The following RIMS2 variants were observed in gnomAD, a reference collection of about 807,000 sequenced individuals.
RIMS2 encodes the protein regulating synaptic membrane exocytosis 2.
A neutral mutation model predicts 174.4 loss-of-function variants in RIMS2; 59 were observed. The observed-to-expected ratio is 0.34, with a 90% CI of 0.27 to 0.42. The LOEUF is 0.42. RIMS2 is among the 10% of genes least tolerant of loss of function. RIMS2 has a pLI of 1.00. For missense variants in RIMS2, 1,620 were observed against 1,666.3 expected (o/e 0.97, Z 0.48); for synonymous variants, 606 against 572.5 (o/e 1.06, Z -0.84).
chr8:103,979,993 A>ATTTTGTGCCCTTATC (rs2093757676), intron 16 of RIMS2, among the ~76,000 whole-genome samples: 2 of 152,156 alleles, frequency 1.3e-5, no homozygotes, highest in Admixed American at 1.3e-4. Context: ...AGTCCTAGGT[A>ATTTTGTGCCCTTATC]AACTGGAAAG....
intron 1 of RIMS2, among the ~76,000 whole-genome samples, chr8:103,671,325 A>T (rs1318794822): frequency 6.6e-6 from 1 of 152,186 alleles, no homozygotes. Flanking sequence ...TTTGACTTGC[A>T]TCATGGAGTT....
At chr8:103,633,763 G>A (rs2096005123) in intron 1 of RIMS2, among the ~76,000 whole-genome samples, 1 of 152,062 alleles carries the variant, frequency 6.6e-6, no homozygotes, top group Non-Finnish European at 1.5e-5. Context: ...GTCTTGGAAG[G>A]GTGTATGTGT....
chr8:103,786,744 T>TGGG (rs2098447313), intron 3 of RIMS2, among the ~76,000 whole-genome samples: 1 of 152,244 alleles, frequency 6.6e-6, no homozygotes, highest in Non-Finnish European at 1.5e-5. Flanking sequence ...AAATGTATAT[T>TGGG]CTGTTGATTT....
At chr8:103,585,621 T>C (rs1045813943) in intron 1 of RIMS2, among the ~76,000 whole-genome samples, 5 of 151,806 alleles carry the variant, frequency 3.3e-5, no homozygotes, top group Admixed American at 1.3e-4. Flanking sequence ...TCTCAGCAAA[T>C]TAACACAAGA....
chr8:103,715,773 A>G (rs759946569), intron 2 of RIMS2, among the ~76,000 whole-genome samples: 2 of 152,194 alleles, frequency 1.3e-5, no homozygotes, highest in South Asian at 2.1e-4. Context: ...TTTTAGTTAT[A>G]TTAAGTATAA....
exon 4 of RIMS2, chr8:103,885,969 A>T (rs1304422669): frequency 1.2e-6 from 2 of 1,613,062 alleles, no homozygotes; most frequent in South Asian, 1.1e-5. Context: ...CTACGGAAAC[A>T]GCACCACTTA....
At position 103,817,519 on chromosome 8, in the gene RIMS2, G is replaced by A. The variant is rs532718306; in HGVS notation, c.698+50982G>A. On this transcript the variant is annotated intron_variant, in intron 3 of 23. Coordinates refer to ENST00000504942, the Ensembl canonical transcript of RIMS2. ...CTTCAGGCCAGGCGCAGTGGCTCAC[G>A]CCTGTAATCCCAGCACTTTGGGAGG... 3.3e-5 allele frequency among the ~76,000 whole-genome samples: 5 copies of A among 152,194 alleles called. No individual in the cohort carries two copies. In the East Asian group the frequency reaches 9.6e-4, roughly 29 times the overall value.
chr8:103,954,076 C>T (rs1234176477), intron 14 of RIMS2, among the ~76,000 whole-genome samples: 1 of 152,148 alleles, frequency 6.6e-6, no homozygotes, highest in African/African-American at 2.4e-5. Context: ...TATATGCATC[C>T]AATACCAGAG....
At chr8:104,076,541 A>C (rs1461485387) in intron 19 of RIMS2, among the ~76,000 whole-genome samples, 1 of 152,202 alleles carries the variant, frequency 6.6e-6, no homozygotes, top group Non-Finnish European at 1.5e-5. Flanking sequence ...GCAGACACAG[A>C]TTTATAGCAG....
intron 3 of RIMS2, among the ~76,000 whole-genome samples, chr8:103,776,981 G>C (rs1166321497): frequency 6.6e-6 from 1 of 152,018 alleles, no homozygotes; most frequent in Non-Finnish European, 1.5e-5. Flanking sequence ...AGTAAGTGTT[G>C]ACATTTTAAA....
chr8:103,902,608 C>T (rs72681365), intron 4 of RIMS2, among the ~76,000 whole-genome samples: 20,209 of 151,972 alleles, frequency 0.13, 1,832 homozygotes, highest in Non-Finnish European at 0.2. Context: ...AGAACATTTT[C>T]TTTGGAATGG....
intron 19 of RIMS2, among the ~76,000 whole-genome samples, chr8:104,047,332 C>T (rs2096712412): frequency 6.6e-6 from 1 of 152,072 alleles, no homozygotes; most frequent in Non-Finnish European, 1.5e-5. Context: ...CTATCACCCA[C>T]CTTAACTCTG....
At chr8:104,179,889 A>G (rs1299792979) in intron 19 of RIMS2, among the ~76,000 whole-genome samples, 1 of 151,814 alleles carries the variant, frequency 6.6e-6, no homozygotes, top group Non-Finnish European at 1.5e-5. Flanking sequence ...CATCTCCCAA[A>G]GATAACCCCT....
chr8:104,017,453 A>T (rs78878347), intron 19 of RIMS2, among the ~76,000 whole-genome samples: 2,015 of 152,204 alleles, frequency 0.013, 28 homozygotes, highest in Middle Eastern at 0.11. Flanking sequence ...GAACCAGAGA[A>T]GTAAAATAAG....
chr8:104,213,164 T>C (rs1460987630), intron 19 of RIMS2, among the ~76,000 whole-genome samples: 1 of 151,996 alleles, frequency 6.6e-6, no homozygotes, highest in Non-Finnish European at 1.5e-5. Flanking sequence ...ATACAAAAAT[T>C]AGTCAGGCAT....
At chr8:103,834,774 G>GTCTT (rs762460251) in intron 3 of RIMS2, among the ~76,000 whole-genome samples, 43 of 110,402 alleles carry the variant, frequency 3.9e-4, no homozygotes, top group African/African-American at 1.3e-3. Context: ...CTCTCTTTCT[G>GTCTT]TCTTTCTTTC....
At chr8:103,849,729 T>A (rs1027729448) in intron 3 of RIMS2, among the ~76,000 whole-genome samples, 2 of 151,960 alleles carry the variant, frequency 1.3e-5, no homozygotes, top group Non-Finnish European at 2.9e-5. Flanking sequence ...CCAACACTTA[T>A]AGCAGCTGCG....
intron 2 of RIMS2, among the ~76,000 whole-genome samples, chr8:103,702,518 A>C (rs1055818446): frequency 2.0e-5 from 3 of 151,856 alleles, no homozygotes; most frequent in African/African-American, 7.3e-5. Context: ...GACCATGTTT[A>C]CTTCTTTTTG....
At chr8:103,553,805 T>C (rs967288770) in intron 1 of RIMS2, among the ~76,000 whole-genome samples, 10 of 152,092 alleles carry the variant, frequency 6.6e-5, no homozygotes, top group Non-Finnish European at 1.5e-4. Context: ...CAAACTATAC[T>C]ACAAGGCTAC....
Sources: allele counts gnomAD v4.1 joint callset (sites outside exome capture counted in the v4.1 genomes callset), GRCh38; gene constraint gnomAD v4.1.1; transcripts MANE v1.5; gene names NCBI Gene and HGNC (gene_info 2026-07-23, HGNC 2026-07-21).